The following BSPRY variants were observed in gnomAD, a reference collection of about 807,000 sequenced individuals.
BSPRY encodes the protein B-box and SPRY domain containing.
In BSPRY, 33 loss-of-function variants were observed where a neutral mutation model predicts 38.0. The ratio of observed to expected loss-of-function variants is 0.87; its 90% CI spans 0.66 to 1.16. BSPRY has a LOEUF of 1.16. BSPRY is among the 50% of genes most tolerant of loss of function. BSPRY has a pLI of 0.00. For missense variants in BSPRY, 523 were observed against 533.2 expected, an observed-to-expected ratio of 0.98 and a Z score of 0.19; for synonymous variants, 224 against 228.5, an observed-to-expected ratio of 0.98 and a Z score of 0.18.
At chr9:113,363,899 A>G (rs1335429011) in intron 4 of BSPRY, among the ~76,000 whole-genome samples, 1 of 148,062 alleles carries the variant, frequency 6.8e-6, no homozygotes, top group African/African-American at 2.5e-5. Flanking sequence ...AAAAAAAAAA[A>G]AAAAAAAAGC....
At chr9:113,364,793 G>C (rs1834219644) in intron 4 of BSPRY, among the ~76,000 whole-genome samples, 1 of 151,976 alleles carries the variant, frequency 6.6e-6, no homozygotes, top group Non-Finnish European at 1.5e-5. Context: ...CATCACCCCA[G>C]TGTAAATTAA....
chr9:113,359,125 C>T lies in BSPRY; in HGVS notation c.301-1382C>T, dbSNP rs529251089. 7.2e-4 allele frequency among the ~76,000 whole-genome samples: 109 copies of T among 152,256 alleles called. 1 individual carries two copies. Among genetic ancestry groups the T allele is most frequent in the African/African-American group, 2.6e-3 (108 of 41,550 alleles). On this transcript the variant is annotated intron_variant, in intron 2 of 5. Coordinates refer to ENST00000374183, the MANE Select transcript of BSPRY (RefSeq NM_017688.3). ...AATGTAGCAGGCTTTGTTCTACTTA[C>T]TTTATATATATTAACACATTTAACC...
intron 5 of BSPRY, 119 bp downstream of exon 5, chr9:113,368,502 A>C: frequency 7.3e-7 from 1 of 1,362,036 alleles, no homozygotes; most frequent in Non-Finnish European, 1.0e-6. Context: ...TAAACAAGTC[A>C]TGCTGGATGC....
intron 1 of BSPRY, among the ~76,000 whole-genome samples, chr9:113,351,206 C>T: frequency 6.6e-6 from 1 of 152,148 alleles, no homozygotes; most frequent in African/African-American, 2.4e-5. Flanking sequence ...TCGGTACTAC[C>T]CTAGGGAACC....
intron 4 of BSPRY, among the ~76,000 whole-genome samples, chr9:113,364,635 G>A (rs148570589): frequency 5.4e-4 from 82 of 151,914 alleles, no homozygotes; most frequent in African/African-American, 1.8e-3. Flanking sequence ...ATTGTCGCTC[G>A]TTCTCTCTGT....
intron 2 of BSPRY, among the ~76,000 whole-genome samples, chr9:113,357,957 A>C: frequency 1.5e-5 from 2 of 133,662 alleles, no homozygotes; most frequent in African/African-American, 2.7e-5. Flanking sequence ...TATTAAGCTT[A>C]TTCATTGGGC....
Position 113,370,300 on chromosome 9 carries a change from C to A in BSPRY, c.*158C>A. On this transcript the variant is annotated 3_prime_UTR_variant, in exon 6 of 6. Transcript: ENST00000374183. The surrounding 1 kb of genome is among the most constrained non-coding windows in gnomAD (Gnocchi z 4.8). ...GGAGGGATGGGGATCTGTTTCAGATCTAGGCATAACCTGTAAATCACAGGT... is the reference window on the plus strand; with the variant it reads ...GGAGGGATGGGGATCTGTTTCAGATATAGGCATAACCTGTAAATCACAGGT... 3.5e-6 allele frequency: 3 copies of A among 858,680 alleles called. No individual in the cohort carries two copies. The highest frequency in any genetic ancestry group is 3.4e-6 in the Non-Finnish European group (2 of 595,396). 53.2% of individuals were successfully genotyped at this position (858,680 alleles called of 1,614,324 possible).
rs1834326098 is a variant in BSPRY, at chr9:113,370,246, A to G, written c.*104A>G. On this transcript the variant is annotated 3_prime_UTR_variant, in exon 6 of 6. Transcript: ENST00000374183. This position sits in a 1 kb window ranked among gnomAD's most constrained non-coding sequence, Gnocchi z 4.8. ...GATGTGTGTGGTGTTTCTAAGAGAA[A>G]CAGGGCCCATAACCAGTGGGCAGCT... 2 of 1,378,140 alleles carry G rather than the reference A, an allele frequency of 1.5e-6. No individual in the cohort carries two copies. Among genetic ancestry groups the G allele is most frequent in the East Asian group, 2.3e-5 (1 of 42,644 alleles). The allele number at this position is 1,378,140 out of a possible 1,614,324, so 85.4% of individuals were successfully genotyped here.
In BSPRY at chr9:113,368,310, C is replaced by G. The variant is rs1001910760; in HGVS notation, c.609C>G (p.Asn203Lys). 1.9e-6 allele frequency: 3 copies of G among 1,614,128 alleles called. No homozygotes were observed. Among genetic ancestry groups the G allele is most frequent in the East Asian group, 2.2e-5 (1 of 44,878 alleles). ...ILDPQESEML[N>K]FNEKCTRSPL... is the part of the protein sequence containing the mutation. The stretch of plus-strand genomic sequence containing the variant: ...ATCCCCAGGAGTCGGAAATGTTAAA[C>G]TTTAATGAGAAGTGCACTCGGAGCC... The change falls in exon 5 of 6, where the codon AAC (asparagine) becomes AAG (lysine). Residue 203 changes from asparagine to lysine, a missense_variant. Transcript: ENST00000374183.
intron 5 of BSPRY, 55 bp downstream of exon 5, chr9:113,368,438 T>C: frequency 6.3e-7 from 1 of 1,587,606 alleles, no homozygotes; most frequent in Non-Finnish European, 8.6e-7. Context: ...TGTCTGTCTG[T>C]CTGGGGTTCA....
chr9:113,349,960 G>T (rs1245984722), intron 1 of BSPRY, among the ~76,000 whole-genome samples, 180 bp downstream of exon 1: 1 of 152,210 alleles, frequency 6.6e-6, no homozygotes, highest in Non-Finnish European at 1.5e-5. Flanking sequence ...TCTGAAGTCA[G>T]GCTGGCCTGA....
intron 1 of BSPRY, among the ~76,000 whole-genome samples, chr9:113,351,220 T>C (rs1362115530): frequency 6.6e-6 from 1 of 152,132 alleles, no homozygotes; most frequent in Non-Finnish European, 1.5e-5. Flanking sequence ...GGGAACCTTC[T>C]TTGAACCCCT....
At chr9:113,353,427 G>A (rs369182880) in intron 1 of BSPRY, among the ~76,000 whole-genome samples, 1 of 152,122 alleles carries the variant, frequency 6.6e-6, no homozygotes, top group Admixed American at 6.5e-5. Flanking sequence ...AAACGCCTGG[G>A]TGCGGTGGCT....
At chr9:113,350,645 C>T (rs769920342) in intron 1 of BSPRY, among the ~76,000 whole-genome samples, 8 of 152,114 alleles carry the variant, frequency 5.3e-5, no homozygotes, top group Non-Finnish European at 1.2e-4. Context: ...TGCAGTTCAC[C>T]CCTGCTGTGA....
chr9:113,366,463 C>G (rs1834254338), intron 4 of BSPRY, among the ~76,000 whole-genome samples: 1 of 152,226 alleles, frequency 6.6e-6, no homozygotes, highest in African/African-American at 2.4e-5. Context: ...GGGCTCAACT[C>G]TGACTGGACA....
Position 113,369,769 on chromosome 9 carries a change from C to T in BSPRY, c.836C>T (p.Thr279Ile). The T allele has an allele frequency of 1.9e-6, 3 of 1,614,280 alleles. No individual in the cohort carries two copies. Among genetic ancestry groups the T allele is most frequent in the South Asian group, 1.1e-5 (1 of 91,090 alleles). The change falls in exon 6 of 6, where the codon ACC becomes ATC. Residue 279 changes from threonine to isoleucine, a missense_variant. Thr to Ile is a moderately conservative substitution (Grantham distance 89). Transcript: ENST00000374183. ...CACTGGCCCAATGCCCTGGCTGCCACCTCCTTCCAGAATGGGCTCCATGCC... is the reference window on the plus strand; with the variant it reads ...CACTGGCCCAATGCCCTGGCTGCCATCTCCTTCCAGAATGGGCTCCATGCC... ...FDHWPNALAA[T>I]SFQNGLHAWM...
chr9:113,366,223 T>C (rs1834248861), intron 4 of BSPRY, among the ~76,000 whole-genome samples: 1 of 152,216 alleles, frequency 6.6e-6, no homozygotes, highest in African/African-American at 2.4e-5. Context: ...ACAACATCAG[T>C]ATTTGCTCAG....
Position 113,360,542 on chromosome 9 carries a change from G to T in BSPRY, c.336G>T (p.Gln112His). 1 of 1,605,488 alleles carries T rather than the reference G, an allele frequency of 6.2e-7. No individual in the cohort carries two copies. Among genetic ancestry groups the T allele is most frequent in the Non-Finnish European group, 8.5e-7 (1 of 1,177,578 alleles). The change falls in exon 3 of 6, where the codon CAG becomes CAT. Residue 112 changes from glutamine (Q) to histidine (H), a missense_variant. Physicochemically the swap from Gln to His is conservative, Grantham distance 24. Coordinates refer to ENST00000374183, the MANE Select transcript of BSPRY (RefSeq NM_017688.3). ...GTGCAGCGAGGGAACTGGTTATCCA[G>T]CGGTTGAGTCTGGTGAGGAGTCTTT... ...MASAARELVI[Q>H]RLSLVRSLCE...
At chr9:113,363,422 C>T (rs1008473117) in intron 4 of BSPRY, among the ~76,000 whole-genome samples, 4 of 152,032 alleles carry the variant, frequency 2.6e-5, no homozygotes, top group Non-Finnish European at 5.9e-5. Flanking sequence ...GCCTGGGCAA[C>T]AGAGTAAGAC....
Sources: gnomAD v4.1 joint callset for allele counts (sites outside exome capture counted in the v4.1 genomes callset) on GRCh38, gnomAD v4.1.1 for gene constraint, Gnocchi (gnomAD v3.1) non-coding constraint, MANE v1.5 for transcripts, NCBI Gene and HGNC (gene_info 2026-07-23, HGNC 2026-07-21) for gene names.